DAB2IP: variants seen among roughly 807,000 people sequenced by gnomAD.
The protein encoded by DAB2IP is DAB2 interacting protein, also known as disabled homolog 2-interacting protein.
Under a neutral mutation model 107.2 loss-of-function variants are expected in DAB2IP, and 28 were observed. The ratio of observed to expected loss-of-function variants is 0.26; its 90% CI spans 0.19 to 0.36. The LOEUF is 0.36. DAB2IP is among the 10% of genes least tolerant of loss of function. The pLI, the probability that DAB2IP is intolerant of heterozygous loss-of-function variation, is 1.00. For missense variants in DAB2IP, 1,400 were observed against 1,644.7 expected (o/e 0.85, Z 2.57); for synonymous variants, 755 against 706.4 (o/e 1.07, Z -1.09).
intron 1 of DAB2IP, among the ~76,000 whole-genome samples, chr9:121,673,453 G>C (rs1833761818): frequency 1.3e-5 from 2 of 152,206 alleles, no homozygotes; most frequent in African/African-American, 4.8e-5. Flanking sequence ...TCCAGAACAT[G>C]CATTCTCAGC....
rs1564224256 is a variant in DAB2IP at position 121,772,765 on chromosome 9, T to G, written c.2237T>G (p.Leu746Arg). Residue 746 changes from leucine to arginine, a missense_variant, in exon 12 of 16, where the codon CTC (leucine) becomes CGC (arginine). Physicochemically the swap from Leu to Arg is moderately radical, Grantham distance 102. Around this residue, in one of 3 missense-constraint regions of DAB2IP, gnomAD observed 600 missense variants for 659.1 expected, o/e 0.91. Transcript: ENST00000408936. This position sits in a 1 kb window ranked among gnomAD's most constrained non-coding sequence, Gnocchi z 4.7. ...CAGATGGCCAACGGTGGCAAGAGCC[T>G]CTCCATGGTGGACCTCCAGGACGCC... 1 of 1,613,744 alleles carries G rather than the reference T, an allele frequency of 6.2e-7. No homozygotes were observed. The highest frequency in any genetic ancestry group is 1.7e-5 in the Admixed American group (1 of 60,024).
chr9:121,652,439 G>C (rs371336636), intron 1 of DAB2IP, among the ~76,000 whole-genome samples: 7 of 152,308 alleles, frequency 4.6e-5, no homozygotes, highest in East Asian at 3.9e-4. Context: ...GACGGAGGGG[G>C]AGGTGCGAGC....
intron 1 of DAB2IP, chr9:121,576,015 G>A (rs1830048264): frequency 1.3e-5 from 2 of 152,316 alleles, no homozygotes. Context: ...TACCTCCTAA[G>A]AGGTCCAGAG....
intron 3 of DAB2IP, among the ~76,000 whole-genome samples, chr9:121,710,498 C>T (rs1830286877): frequency 6.6e-6 from 1 of 152,144 alleles, no homozygotes; most frequent in Admixed American, 6.5e-5. Context: ...CTGTGGCTCC[C>T]CCAGGGTTCT....
At chr9:121,748,683 T>C (rs1293605644) in intron 3 of DAB2IP, among the ~76,000 whole-genome samples, 1 of 152,210 alleles carries the variant, frequency 6.6e-6, no homozygotes, top group Non-Finnish European at 1.5e-5. Context: ...GGTAGGTGCT[T>C]AGTAAGTGGC....
chr9:121,608,542 G>A (rs141709132), intron 1 of DAB2IP, among the ~76,000 whole-genome samples: 1 of 152,072 alleles, frequency 6.6e-6, no homozygotes, highest in African/African-American at 2.4e-5. Flanking sequence ...GCAGGAGTTG[G>A]GGGGGTAAGG....
chr9:121,700,119 C>G (rs1346438260), intron 3 of DAB2IP, among the ~76,000 whole-genome samples: 1 of 152,182 alleles, frequency 6.6e-6, no homozygotes, highest in East Asian at 1.9e-4. Flanking sequence ...TCTCTCCTTC[C>G]CTCACCTCTC....
chr9:121,681,123 CCGAGAGGTAA>C (rs1243593150), intron 2 of DAB2IP, among the ~76,000 whole-genome samples: 1 of 151,952 alleles, frequency 6.6e-6, no homozygotes, highest in Non-Finnish European at 1.5e-5. Context: ...GAAACAGGTT[CCGAGAGGTAA>C]AGTCACTTGC....
At chr9:121,594,157 C>A (rs1830477479) in intron 1 of DAB2IP, among the ~76,000 whole-genome samples, 1 of 151,852 alleles carries the variant, frequency 6.6e-6, no homozygotes, top group Non-Finnish European at 1.5e-5. Flanking sequence ...GTAAACCCAG[C>A]AACAGGCTCA....
chr9:121,759,268 G>A (rs1833713271), intron 5 of DAB2IP, among the ~76,000 whole-genome samples: 1 of 152,176 alleles, frequency 6.6e-6, no homozygotes, highest in East Asian at 1.9e-4. Context: ...CTTCTGCTGG[G>A]ACCCCTTGTC....
chr9:121,728,226 C>T (rs930670375), intron 3 of DAB2IP, among the ~76,000 whole-genome samples: 14 of 152,150 alleles, frequency 9.2e-5, no homozygotes, highest in Non-Finnish European at 2.9e-5. Flanking sequence ...CTCTGAATCT[C>T]AGTTTCTTCA....
intron 1 of DAB2IP, among the ~76,000 whole-genome samples, chr9:121,638,125 C>T (rs1439871384): frequency 2.6e-4 from 39 of 152,072 alleles, no homozygotes; most frequent in Non-Finnish European, 7.4e-5. Flanking sequence ...AATATGCAGT[C>T]GGCCCTCCGA....
intron 9 of DAB2IP, among the ~76,000 whole-genome samples, 177 bp from the exon 10 acceptor site, chr9:121,768,255 C>G (rs570575016): frequency 2.0e-5 from 3 of 152,114 alleles, no homozygotes; most frequent in African/African-American, 7.2e-5. Flanking sequence ...GCTGGACTTA[C>G]CATGAGCAAG....
rs995506330 is a variant in DAB2IP at position 121,736,833 on chromosome 9, C to T, written c.363-20180C>T. On this transcript the variant is annotated intron_variant, in intron 3 of 15. Coordinates refer to ENST00000408936, the Ensembl canonical transcript of DAB2IP. The surrounding 1 kb of genome is among the most constrained non-coding windows in gnomAD (Gnocchi z 4.6). ...CTGGTTCGAGGTGTGCTGGGCTTAC[C>T]GGGGCGTGCAGGTCCCTGTTCTCGT... Among the ~76,000 whole-genome samples the T allele has an allele frequency of 6.6e-6, 1 of 152,214 alleles. No homozygotes were observed. Among genetic ancestry groups the T allele is most frequent in the Non-Finnish European group, 1.5e-5 (1 of 68,048 alleles).
chr9:121,666,303 A>C (rs116009521), intron 1 of DAB2IP, among the ~76,000 whole-genome samples: 1 of 152,210 alleles, frequency 6.6e-6, no homozygotes, highest in Non-Finnish European at 1.5e-5. Context: ...CCTTAAATTA[A>C]TCACATCTGC....
chr9:121,678,827 C>T, intron 2 of DAB2IP, 46 bp downstream of exon 2: 1 of 1,501,284 alleles, frequency 6.7e-7, no homozygotes, highest in Non-Finnish European at 8.9e-7. Flanking sequence ...ACCACCATCA[C>T]CACCTCGCCC....
At chr9:121,704,598 C>T (rs931257988) in intron 3 of DAB2IP, among the ~76,000 whole-genome samples, 4 of 152,130 alleles carry the variant, frequency 2.6e-5, no homozygotes, top group African/African-American at 9.7e-5. Flanking sequence ...TTAAATGAGC[C>T]TCTGCCTTCC....
rs575421026 is a variant in DAB2IP, at chr9:121,739,395, A to G, written c.363-17618A>G. 7.2e-5 allele frequency among the ~76,000 whole-genome samples: 11 copies of G among 152,302 alleles called. No homozygotes were observed. The South Asian group carries it at 1.9e-3, about 26-fold the overall frequency. On this transcript the variant is annotated intron_variant, in intron 3 of 15. Coordinates refer to ENST00000408936, the Ensembl canonical transcript of DAB2IP. ...TTCACCTGGGTAGCAGTTCAGATTTATTCAGTGCAGTGGGGAGTAATTGAA... is the reference window on the plus strand; with the variant it reads ...TTCACCTGGGTAGCAGTTCAGATTTGTTCAGTGCAGTGGGGAGTAATTGAA...
rs1408957749 is a variant in DAB2IP, at chr9:121,662,908, A to C, written c.124+11009A>C. ...GCCAGCCCTGGAATGGGCCCTGCAG[A>C]TGCAGAGAAAAGAATCGTGGGAAGA... On this transcript the variant is annotated intron_variant, in intron 1 of 15. Transcript: ENST00000408936. This position sits in a 1 kb window ranked among gnomAD's most constrained non-coding sequence, Gnocchi z 4.6. 6.6e-6 allele frequency among the ~76,000 whole-genome samples: 1 copy of C among 152,236 alleles called. No individual in the cohort carries two copies. The highest frequency in any genetic ancestry group is 1.5e-5 in the Non-Finnish European group (1 of 68,046).
Sources: allele counts gnomAD v4.1 joint callset (sites outside exome capture counted in the v4.1 genomes callset), GRCh38; gene constraint gnomAD v4.1.1; regional missense constraint gnomAD v4.1.1; non-coding constraint Gnocchi (gnomAD v3.1); transcripts MANE v1.5; gene names NCBI Gene and HGNC (gene_info 2026-07-23, HGNC 2026-07-21).